XYLB: variants seen among roughly 807,000 people sequenced by gnomAD.
XYLB encodes the protein xylulokinase.
A neutral mutation model predicts 78.7 loss-of-function variants in XYLB; 62 were observed. That is an observed-to-expected ratio of 0.79 (90% CI 0.64 to 0.97). The LOEUF is 0.97. Ranked by LOEUF, XYLB falls within the 50% of genes least tolerant of loss-of-function variation. The pLI is 0.00. For missense variants in XYLB, 687 were observed against 676.8 expected (o/e 1.02, Z -0.17); for synonymous variants, 245 against 247.4 (o/e 0.99, Z 0.09).
intron 2 of XYLB, among the ~76,000 whole-genome samples, chr3:38,357,786 GATAATA>G (rs10581895): frequency 1.3e-5 from 2 of 152,094 alleles, no homozygotes; most frequent in East Asian, 1.9e-4. Context: ...TTTATCTAAT[GATAATA>G]ATGATGTTGA....
intron 2 of XYLB, among the ~76,000 whole-genome samples, chr3:38,354,831 A>T (rs918055761): frequency 2.6e-5 from 4 of 152,168 alleles, no homozygotes; most frequent in Non-Finnish European, 4.4e-5. Context: ...TTGAGATCAT[A>T]TTATCTTTAT....
At chr3:38,381,852 G>A (rs1575500476) in intron 15 of XYLB, among the ~76,000 whole-genome samples, 1 of 152,154 alleles carries the variant, frequency 6.6e-6, no homozygotes, top group East Asian at 1.9e-4. Flanking sequence ...TTTCACCTCG[G>A]TCCTGTGGTC....
chr3:38,366,624 G>T (rs551618212), intron 6 of XYLB, among the ~76,000 whole-genome samples, 184 bp from the exon 7 acceptor site: 1 of 152,176 alleles, frequency 6.6e-6, no homozygotes, highest in Non-Finnish European at 1.5e-5. Flanking sequence ...AGTTCCTCTC[G>T]CTTCAGCCTC....
rs1057085255 is a variant in XYLB at position 38,376,951 on chromosome 3, A to C, written c.1154A>C (p.Glu385Ala). The change falls in exon 14 of 19, where the codon GAA (glutamate) becomes GCA (alanine). Residue 385 changes from glutamate to alanine, a missense_variant. Coordinates refer to ENST00000207870, the MANE Select transcript of XYLB (RefSeq NM_005108.4). ...FYFDVMEITP[E>A]IIGRHRFNTE... is the part of the protein sequence containing the mutation. ...TTTGATGTAATGGAGATCACCCCTG[A>C]AATTATTGGACGTCATAGGTTTAAC... 1.9e-6 allele frequency: 3 copies of C among 1,614,054 alleles called. No individual in the cohort carries two copies. The highest frequency in any genetic ancestry group is 2.5e-6 in the Non-Finnish European group (3 of 1,179,992).
chr3:38,434,703 G>A, the XYLB span, among the ~76,000 whole-genome samples: 1 of 152,072 alleles, frequency 6.6e-6, no homozygotes, highest in African/African-American at 2.4e-5. Flanking sequence ...AATCCACCAA[G>A]CCACAATGAC....
At chr3:38,374,627 T>C (rs1363646126) in intron 11 of XYLB, 125 bp downstream of exon 11, 21 of 1,166,696 alleles carry the variant, frequency 1.8e-5, no homozygotes, top group East Asian at 1.2e-4. Context: ...CCCAGCAGGA[T>C]CTCTGCTACT....
intron 17 of XYLB, among the ~76,000 whole-genome samples, chr3:38,399,305 C>T (rs987841937): frequency 6.6e-6 from 1 of 151,946 alleles, no homozygotes; most frequent in Non-Finnish European, 1.5e-5. Context: ...CCATGTTGCC[C>T]AGGCTGAACT....
intron 15 of XYLB, among the ~76,000 whole-genome samples, chr3:38,393,012 G>T (rs948370609): frequency 3.3e-5 from 5 of 152,124 alleles, no homozygotes; most frequent in Non-Finnish European, 7.4e-5. Context: ...GATCCAATTT[G>T]ATTTTTTCCA....
intron 2 of XYLB, chr3:38,356,536 A>G (rs1009156056): frequency 6.6e-6 from 1 of 152,210 alleles, no homozygotes; most frequent in Non-Finnish European, 1.5e-5. Context: ...ATGAATATAT[A>G]TAATATGTGA....
At chr3:38,437,011 T>A in the XYLB span, among the ~76,000 whole-genome samples, 10 of 119,524 alleles carry the variant, frequency 8.4e-5, no homozygotes, top group African/African-American at 2.4e-4. Flanking sequence ...CTAAAAATAA[T>A]AATAATAATA....
chr3:38,391,085 G>A (rs1337784891), intron 15 of XYLB, among the ~76,000 whole-genome samples: 3 of 152,084 alleles, frequency 2.0e-5, no homozygotes, highest in Non-Finnish European at 4.4e-5. Flanking sequence ...CAGGCATGGT[G>A]GCGGACGCTT....
chr3:38,450,228 T>C, the XYLB span, among the ~76,000 whole-genome samples: 16 of 152,374 alleles, frequency 1.1e-4, no homozygotes, highest in East Asian at 2.9e-3. Flanking sequence ...AGGCCACTTA[T>C]ATTTTCTCAA....
downstream of XYLB, among the ~76,000 whole-genome samples, chr3:38,422,762 C>T (rs1003322912): frequency 1.3e-4 from 20 of 151,888 alleles, no homozygotes; most frequent in African/African-American, 4.6e-4. Flanking sequence ...TCAAAGTCAG[C>T]ATGTGATACA....
the XYLB span, among the ~76,000 whole-genome samples, chr3:38,441,669 A>G: frequency 1.4e-4 from 22 of 152,158 alleles, no homozygotes; most frequent in African/African-American, 4.1e-4. Context: ...GGCACCTAGT[A>G]TGCCATTTAC....
chr3:38,361,838 C>T lies in XYLB; in HGVS notation c.211-1099C>T, dbSNP rs529184656. On this transcript the variant is annotated intron_variant, in intron 3 of 18. Transcript: ENST00000207870. ...GCCACAGCCAGGGCTGAAAGAAGCC[C>T]TCCCAGCAAAGGCTGGGGGTGGTGG... 7.2e-5 allele frequency among the ~76,000 whole-genome samples: 11 copies of T among 152,380 alleles called. No individual in the cohort carries two copies. The South Asian group carries it at 2.3e-3, about 32-fold the overall frequency.
At chr3:38,380,981 G>A (rs75130239) in intron 15 of XYLB, among the ~76,000 whole-genome samples, 6,288 of 152,216 alleles carry the variant, frequency 0.041, 257 homozygotes, top group African/African-American at 0.11. Context: ...AAAGCAGATG[G>A]CACTACAGGC....
the XYLB span, among the ~76,000 whole-genome samples, chr3:38,448,231 G>A: frequency 6.6e-6 from 1 of 151,338 alleles, no homozygotes; most frequent in African/African-American, 2.4e-5. Context: ...ACTGGGAGGG[G>A]TGAGTAGGGA....
At chr3:38,368,106 G>C in intron 7 of XYLB, 79 bp from the exon 8 acceptor site, 1 of 1,394,748 alleles carries the variant, frequency 7.2e-7, no homozygotes, top group Non-Finnish European at 1.0e-6. Flanking sequence ...TTTTTTTCAT[G>C]CTTTGTGTGT....
rs1292016257 is a variant in XYLB, at chr3:38,375,343, T to C, written c.1004+84T>C. ...CACCATCTTGAGGACCCCAAGTCATTCCACTAAGCTCTGGAATGACTCCCT... is the reference window on the plus strand; with the variant it reads ...CACCATCTTGAGGACCCCAAGTCATCCCACTAAGCTCTGGAATGACTCCCT... On this transcript the variant is annotated intron_variant, in intron 12 of 18. Transcript: ENST00000207870. 3 of 1,182,208 alleles carry C rather than the reference T, an allele frequency of 2.5e-6. No homozygotes were observed. In the African/African-American group the frequency reaches 4.6e-5, roughly 18 times the overall value. The allele number at this position is 1,182,208 out of a possible 1,614,324, so 73.2% of individuals were successfully genotyped here. A position where few individuals can be genotyped will look rare whatever the true frequency, so the allele number is the denominator to read the frequency against.
Sources: gnomAD v4.1 joint callset for allele counts (sites outside exome capture counted in the v4.1 genomes callset) on GRCh38, gnomAD v4.1.1 for gene constraint, MANE v1.5 for transcripts, NCBI Gene and HGNC (gene_info 2026-07-23, HGNC 2026-07-21) for gene names.